ECE2: variants seen among roughly 807,000 people sequenced by gnomAD.
ECE2 encodes the protein endothelin converting enzyme 2, also known as endothelin-converting enzyme 2.
Under a neutral mutation model 100.6 loss-of-function variants are expected in ECE2, and 81 were observed. The observed-to-expected ratio is 0.81, with a 90% CI of 0.67 to 0.97. The LOEUF is 0.97. ECE2 is among the 50% of genes least tolerant of loss of function. ECE2 has a pLI of 0.00. For missense variants in ECE2, 911 were observed against 988.1 expected (o/e 0.92, Z 1.05); for synonymous variants, 391 against 391.5 (o/e 1.00, Z 0.02).
At chr3:184,276,403 C>G in intron 1 of ECE2, 78 bp from the exon 2 acceptor site, 1 of 1,531,212 alleles carries the variant, frequency 6.5e-7, no homozygotes, top group Non-Finnish European at 8.9e-7. Flanking sequence ...GTCCGCGAGG[C>G]AGGGAGCACT....
intron 2 of ECE2, 33 bp downstream of exon 2, chr3:184,276,600 C>T: frequency 6.3e-7 from 1 of 1,596,414 alleles, no homozygotes; most frequent in African/African-American, 1.3e-5. Flanking sequence ...TCTCACCAGG[C>T]CCCAGCCCTG....
At chr3:184,284,498 C>T (rs138869186) in intron 8 of ECE2, among the ~76,000 whole-genome samples, 65 of 148,230 alleles carry the variant, frequency 4.4e-4, no homozygotes, top group African/African-American at 1.5e-3. Flanking sequence ...GCTGAGATTG[C>T]GCCATTGCAC....
Position 184,291,020 on chromosome 3 carries a change from C to T in ECE2, c.1835-20C>T. ...GACGAGCTCTGGTTTTGGTGGGGTG[C>T]AAAGGTGAGTTCTCCTCAGGGCGCG... On this transcript the variant is annotated intron_variant, in intron 16 of 18. Coordinates refer to ENST00000404464, the MANE Select transcript of ECE2 (RefSeq NM_001100121.2). This position sits in a 1 kb window ranked among gnomAD's most constrained non-coding sequence, Gnocchi z 4.1. 6.4e-7 allele frequency: 1 copy of T among 1,555,960 alleles called. No individual in the cohort carries two copies. Among genetic ancestry groups the T allele is most frequent in the South Asian group, 1.2e-5 (1 of 81,854 alleles).
At position 184,277,433 on chromosome 3, in the gene ECE2, G is replaced by A. The variant is rs1409521163; in HGVS notation, c.445G>A (p.Asp149Asn). The A allele has an allele frequency of 6.2e-7, 1 of 1,614,114 alleles. No homozygotes were observed. Among genetic ancestry groups the A allele is most frequent in the Non-Finnish European group, 8.5e-7 (1 of 1,180,044 alleles). Residue 149 changes from aspartate (D) to asparagine (N), a missense_variant, in exon 4 of 19, where the codon GAC (aspartate) becomes AAC (asparagine). By Grantham distance (23) the Asp-to-Asn change is conservative. Transcript: ENST00000404464. ...CTGGAACACCTTCAACAGCCTCTGG[G>A]ACCAAAACCAGGCCATACTGAAGCA... The part of the protein sequence containing the change: ...SRWNTFNSLW[D>N]QNQAILKHLL...
At position 184,290,671 on chromosome 3, in the gene ECE2, T is replaced by G. The variant is rs774086036; in HGVS notation, c.1766+4T>G. On this transcript the variant is annotated splice_donor_region_variant and intron_variant, in intron 15 of 18. Transcript: ENST00000404464. ...TCTATGCCCGCAACCACCCCAAGTG[T>G]GTCTGAAGCAGGAGGGGCTGGGTGC... is the stretch of plus-strand genomic sequence containing the variant. The G allele has an allele frequency of 6.2e-7, 1 of 1,613,692 alleles. No homozygotes were observed.
At chr3:184,280,521 G>A (rs567718235) in intron 7 of ECE2, among the ~76,000 whole-genome samples, 14 of 152,268 alleles carry the variant, frequency 9.2e-5, no homozygotes, top group African/African-American at 2.9e-4. Flanking sequence ...GAGAATAAGC[G>A]TGAAAGGACC....
At chr3:184,288,993 A>G (rs1046438956) in intron 11 of ECE2, among the ~76,000 whole-genome samples, 1 of 152,068 alleles carries the variant, frequency 6.6e-6, no homozygotes, top group Admixed American at 6.6e-5. Flanking sequence ...CAGCTCTACT[A>G]AAAATACAAA....
Position 184,289,501 on chromosome 3 carries a change from T to C in ECE2, c.1439T>C (p.Met480Thr), listed in dbSNP as rs1473209854. 1.1e-5 allele frequency: 17 copies of C among 1,612,532 alleles called. No individual in the cohort carries two copies. Among genetic ancestry groups the C allele is most frequent in the Non-Finnish European group, 1.4e-5 (16 of 1,179,458 alleles). ...FEEALGQLVW[M>T]DEKTRQAAKE... ...GAGGCCCTGGGACAGCTGGTTTGGA[T>C]GGATGAGAAGACCCGCCAGGCAGCC... The change falls in exon 12 of 19, where the codon ATG becomes ACG. Residue 480 changes from methionine (M) to threonine (T), a missense_variant. Transcript: ENST00000404464. The surrounding 1 kb of genome is among the most constrained non-coding windows in gnomAD (Gnocchi z 4.1).
In ECE2 at chr3:184,277,322, C is replaced by T. The variant is rs1363007545; in HGVS notation, c.334C>T (p.Arg112Ter). 75 of 1,614,116 alleles carry T rather than the reference C, an allele frequency of 4.6e-5. No individual in the cohort carries two copies. The highest frequency in any genetic ancestry group is 6.2e-5 in the Non-Finnish European group (73 of 1,180,054). Residue 112 changes from arginine (R) to a stop codon, truncating the protein, a stop_gained, in exon 4 of 19, where the codon CGA (arginine) becomes TGA (stop). Transcript: ENST00000404464. LOFTEE classifies it high-confidence loss of function. ...TGGAAAAATCCTGGAGTCCCTGGAC[C>T]GAGGGGTGAGCCCCTGTGAGGACTT... Reference protein sequence around the residue: ...VAGKILESLDRGVSPCEDFYQ... With the variant: ...VAGKILESLD
chr3:184,290,578 A>T lies in ECE2; in HGVS notation c.1677A>T (p.Thr559=). The change falls in exon 15 of 19, where the codon ACA becomes ACT. Residue 559 remains threonine, a synonymous_variant. Transcript: ENST00000404464. ...CCAGGTGGAGCATGACCCCCCAGAC[A>T]GTGAATGCCTACTACCTTCCAACTA... ...SRDQWSMTPQ[T]VNAYYLPTKN... 6.2e-7 allele frequency: 1 copy of T among 1,614,122 alleles called. No homozygotes were observed. Among genetic ancestry groups the T allele is most frequent in the Non-Finnish European group, 8.5e-7 (1 of 1,180,000 alleles).
chr3:184,288,180 G>A (rs1169093916), intron 11 of ECE2, among the ~76,000 whole-genome samples: 1 of 151,776 alleles, frequency 6.6e-6, no homozygotes, highest in East Asian at 1.9e-4. Context: ...CGTGGTGGCG[G>A]GTGTCTGTAA....
intron 7 of ECE2, among the ~76,000 whole-genome samples, chr3:184,280,910 T>G (rs1577137292): frequency 6.9e-6 from 1 of 145,268 alleles, no homozygotes. Context: ...ACCTGGGAGG[T>G]GGAAGTTGCA....
intron 10 of ECE2, among the ~76,000 whole-genome samples, chr3:184,287,618 C>A (rs540071436): frequency 5.3e-5 from 8 of 152,224 alleles, no homozygotes; most frequent in African/African-American, 1.9e-4. Flanking sequence ...TCGCTTGAGC[C>A]CAGGGGACAG....
Position 184,278,328 on chromosome 3 carries a change from A to G in ECE2, c.750+15A>G. 1.2e-6 allele frequency: 2 copies of G among 1,613,012 alleles called. No homozygotes were observed. On this transcript the variant is annotated intron_variant, in intron 6 of 18. Transcript: ENST00000404464. ...ATGTTATCCAGGTGATGAGCTGGGAAAGGGTGGGGAGAGACTTAGGGACAC... is the reference window on the plus strand; with the variant it reads ...ATGTTATCCAGGTGATGAGCTGGGAGAGGGTGGGGAGAGACTTAGGGACAC...
At chr3:184,286,298 A>G (rs1423306881) in intron 10 of ECE2, among the ~76,000 whole-genome samples, 1 of 152,158 alleles carries the variant, frequency 6.6e-6, no homozygotes, top group Non-Finnish European at 1.5e-5. Context: ...GGGGTTTGGT[A>G]AGGTGGGCAT....
At chr3:184,276,417 G>A in intron 1 of ECE2, 64 bp from the exon 2 acceptor site, 2 of 1,553,608 alleles carry the variant, frequency 1.3e-6, no homozygotes, top group Non-Finnish European at 8.7e-7. Flanking sequence ...GAGCACTGGG[G>A]CAGGGTCGTG....
intron 7 of ECE2, among the ~76,000 whole-genome samples, chr3:184,282,262 CA>C (rs1000234465): frequency 3.3e-5 from 5 of 152,172 alleles, no homozygotes; most frequent in Admixed American, 1.3e-4. Context: ...GATTGGTACT[CA>C]AACCTCTTCC....
Position 184,283,760 on chromosome 3 carries a change from C to CT in ECE2, c.817-24dup, listed in dbSNP as rs1029942497. 3.7e-6 allele frequency: 6 copies of CT among 1,609,882 alleles called. No homozygotes were observed. In the African/African-American group the frequency reaches 5.4e-5, roughly 14 times the overall value. Reference sequence around the variant, plus strand: ...CTTGGGCAGGACTTGTTGCTGGGCTCTGAGGATCACCCGGGCCTTGACAGG... The same window carrying CT: ...CTTGGGCAGGACTTGTTGCTGGGCTCTTGAGGATCACCCGGGCCTTGACAGG... On this transcript the variant is annotated intron_variant, in intron 7 of 18. Transcript: ENST00000404464.
intron 11 of ECE2, among the ~76,000 whole-genome samples, chr3:184,288,850 T>C (rs1465951967): frequency 1.3e-5 from 2 of 152,182 alleles, no homozygotes; most frequent in Non-Finnish European, 2.9e-5. Flanking sequence ...CCTCTTTTCA[T>C]AATCAGATAA....
Sources: allele counts gnomAD v4.1 joint callset (sites outside exome capture counted in the v4.1 genomes callset), GRCh38; gene constraint gnomAD v4.1.1; non-coding constraint Gnocchi (gnomAD v3.1); transcripts MANE v1.5; gene names NCBI Gene and HGNC (gene_info 2026-07-23, HGNC 2026-07-21).